Variants in PHLPP1 observed in about 807,000 individuals in gnomAD.
PHLPP1 encodes the protein PH domain leucine-rich repeat-containing protein phosphatase 1.
PHLPP1 carries 42 observed loss-of-function variants against 117.2 expected under a neutral mutation model. The observed-to-expected ratio is 0.36, with a 90% confidence interval of 0.28 to 0.46. PHLPP1 has a LOEUF of 0.46. PHLPP1 is among the 20% of genes least tolerant of loss of function. The probability of loss-of-function intolerance (pLI) is 1.00; values close to 1 mark genes in which losing one functional copy is unlikely to be tolerated. For missense variants in PHLPP1, 2,084 were observed against 2,241.9 expected (o/e 0.93, Z 1.42); for synonymous variants, 1,042 against 970.7 (o/e 1.07, Z -1.37).
chr18:62,720,431 A>G (rs560983136), intron 1 of PHLPP1, among the ~76,000 whole-genome samples: 14 of 152,330 alleles, frequency 9.2e-5, no homozygotes, highest in African/African-American at 2.6e-4. Context: ...TGAATCTCGG[A>G]CAAGGTATTT....
chr18:62,952,957 C>T (rs1340254141), intron 12 of PHLPP1, among the ~76,000 whole-genome samples: 1 of 152,206 alleles, frequency 6.6e-6, no homozygotes. Context: ...TAGTACTACA[C>T]TGTGACTCTC....
At chr18:62,976,652 C>G (rs1298504172) in intron 16 of PHLPP1, among the ~76,000 whole-genome samples, 1 of 152,248 alleles carries the variant, frequency 6.6e-6, no homozygotes, top group Non-Finnish European at 1.5e-5. Context: ...AGAACAAATT[C>G]ACACAGACTC....
At chr18:62,913,789 T>C (rs1917027313) in intron 8 of PHLPP1, among the ~76,000 whole-genome samples, 1 of 144,110 alleles carries the variant, frequency 6.9e-6, no homozygotes, top group Non-Finnish European at 1.5e-5. Context: ...TGTTGCCCAG[T>C]CTGGAGTGCA....
At chr18:62,862,885 G>A (rs567337863) in intron 4 of PHLPP1, among the ~76,000 whole-genome samples, 19 of 152,188 alleles carry the variant, frequency 1.2e-4, no homozygotes, top group African/African-American at 3.1e-4. Context: ...AATATTGCCC[G>A]GAAGAAAAGA....
At chr18:62,818,046 G>C (rs1041860610) in intron 1 of PHLPP1, among the ~76,000 whole-genome samples, 1 of 151,632 alleles carries the variant, frequency 6.6e-6, no homozygotes, top group African/African-American at 2.4e-5. Context: ...GCCGAGACAG[G>C]GTTTCACCAT....
chr18:62,969,830 C>A (rs1256083661), intron 14 of PHLPP1, among the ~76,000 whole-genome samples: 1 of 152,108 alleles, frequency 6.6e-6, no homozygotes, highest in African/African-American at 2.4e-5. Flanking sequence ...TTTAAAAAAT[C>A]CTTTTACTTT....
intron 1 of PHLPP1, among the ~76,000 whole-genome samples, chr18:62,825,144 A>T (rs1914576178): frequency 6.6e-6 from 1 of 151,786 alleles, no homozygotes; most frequent in African/African-American, 2.4e-5. Context: ...TTTTTAGTAG[A>T]GACGGGGTTT....
At chr18:62,775,757 C>G (rs908923868) in intron 1 of PHLPP1, among the ~76,000 whole-genome samples, 4 of 152,242 alleles carry the variant, frequency 2.6e-5, no homozygotes, top group South Asian at 4.1e-4. Flanking sequence ...CAGTTTTGAC[C>G]TATATCCACC....
At chr18:62,931,878 GAAAAAAAA>G (rs61550621) in intron 10 of PHLPP1, among the ~76,000 whole-genome samples, 69 of 76,476 alleles carry the variant, frequency 9.0e-4, no homozygotes, top group African/African-American at 3.3e-3. Context: ...CTGGGCGACA[GAAAAAAAA>G]AAAAAAAAAA....
At chr18:62,934,524 C>T (rs369339216) in intron 10 of PHLPP1, among the ~76,000 whole-genome samples, 4 of 152,168 alleles carry the variant, frequency 2.6e-5, no homozygotes, top group African/African-American at 9.6e-5. Flanking sequence ...ACAGTGTATA[C>T]ACATGGCCAT....
chr18:62,766,631 C>G (rs1041950555), intron 1 of PHLPP1, among the ~76,000 whole-genome samples: 1 of 152,122 alleles, frequency 6.6e-6, no homozygotes, highest in Non-Finnish European at 1.5e-5. Flanking sequence ...AGCTAAGCTA[C>G]CTTTTCCAAC....
chr18:62,913,559 G>A (rs1183014492), intron 8 of PHLPP1, among the ~76,000 whole-genome samples: 1 of 152,066 alleles, frequency 6.6e-6, no homozygotes, highest in Non-Finnish European at 1.5e-5. Context: ...TGTGTATAAA[G>A]AATTGTCATA....
At chr18:62,727,318 A>G (rs1200747141) in intron 1 of PHLPP1, among the ~76,000 whole-genome samples, 1 of 151,782 alleles carries the variant, frequency 6.6e-6, no homozygotes, top group African/African-American at 2.4e-5. Flanking sequence ...CTGATTTAAA[A>G]TGCCCCTTTT....
intron 1 of PHLPP1, among the ~76,000 whole-genome samples, chr18:62,825,642 C>T (rs1424385643): frequency 4.0e-5 from 6 of 151,580 alleles, no homozygotes; most frequent in Non-Finnish European, 7.4e-5. Flanking sequence ...TTTATGGAGA[C>T]GGGGTTTCAC....
chr18:62,957,366 A>AT (rs1240775798), intron 12 of PHLPP1, among the ~76,000 whole-genome samples: 1 of 151,642 alleles, frequency 6.6e-6, no homozygotes, highest in Non-Finnish European at 1.5e-5. Context: ...CCCTTTTGTG[A>AT]TTTTTCTTTC....
At chr18:62,764,520 G>C (rs1243385588) in intron 1 of PHLPP1, among the ~76,000 whole-genome samples, 4 of 152,082 alleles carry the variant, frequency 2.6e-5, no homozygotes. Flanking sequence ...GGGAGGCCAA[G>C]GCAGGTGGAT....
intron 4 of PHLPP1, among the ~76,000 whole-genome samples, chr18:62,878,187 C>G (rs1234394469): frequency 6.6e-6 from 1 of 152,176 alleles, no homozygotes; most frequent in Non-Finnish European, 1.5e-5. Context: ...CTTTACTCTG[C>G]ACAGCTCCTA....
chr18:62,728,958 A>G (rs1179526022), intron 1 of PHLPP1, among the ~76,000 whole-genome samples: 1 of 152,188 alleles, frequency 6.6e-6, no homozygotes, highest in Non-Finnish European at 1.5e-5. Context: ...GATTACAGGA[A>G]TAATAATTTG....
chr18:62,881,665 A>G (rs1916177854), intron 4 of PHLPP1, among the ~76,000 whole-genome samples: 1 of 152,238 alleles, frequency 6.6e-6, no homozygotes, highest in Non-Finnish European at 1.5e-5. Context: ...GCATCCGTGC[A>G]CTGCTAAGCC....
Sources: gnomAD v4.1 joint callset for allele counts (sites outside exome capture counted in the v4.1 genomes callset) on GRCh38, gnomAD v4.1.1 for gene constraint, MANE v1.5 for transcripts, NCBI Gene and HGNC (gene_info 2026-07-23, HGNC 2026-07-21) for gene names.